Variants in MEF2A observed in about 807,000 individuals in gnomAD.
The protein encoded by MEF2A is myocyte enhancer factor 2A.
A neutral mutation model predicts 55.8 loss-of-function variants in MEF2A; 28 were observed. The ratio of observed to expected loss-of-function variants is 0.50; its 90% CI spans 0.37 to 0.69. The LOEUF (loss-of-function observed/expected upper bound fraction) is 0.69, where lower values mean the gene tolerates loss of function less well. Ranked by LOEUF, MEF2A falls within the 30% of genes least tolerant of loss-of-function variation. The pLI is 0.00. For synonymous variants in MEF2A, 239 were observed against 227.1 expected (o/e 1.05, Z -0.47); for missense variants, 528 against 626.2 (o/e 0.84, Z 1.67).
In MEF2A at chr15:99,598,433, T is replaced by C. The variant is rs1485974210; in HGVS notation, c.-221T>C. The C allele has an allele frequency of 6.6e-6, 1 of 152,204 alleles. No individual in the cohort carries two copies. The highest frequency in any genetic ancestry group is 2.4e-5 in the African/African-American group (1 of 41,454). 9.4% of individuals were successfully genotyped at this position (152,204 alleles called of 1,614,324 possible). ...TCAAATTTTTTTCTTTTTTAAGGAA[T>C]TGCATTTTGTGAAAAAAGAACAAGA... On this transcript the variant is annotated 5_prime_UTR_variant, in exon 2 of 12. Coordinates refer to ENST00000557942, the MANE Select transcript of MEF2A (RefSeq NM_001319206.4).
chr15:99,650,256 C>A (rs978117100), intron 4 of MEF2A, among the ~76,000 whole-genome samples: 8 of 152,156 alleles, frequency 5.3e-5, no homozygotes, highest in African/African-American at 1.9e-4. Context: ...GGATTAGGAC[C>A]CAGGTCTGTG....
At chr15:99,627,059 A>G (rs1001296359) in intron 2 of MEF2A, among the ~76,000 whole-genome samples, 6 of 152,110 alleles carry the variant, frequency 3.9e-5, no homozygotes, top group Non-Finnish European at 8.8e-5. Flanking sequence ...ACCTAGCCAT[A>G]TTTAGCTACA....
chr15:99,637,675 C>T (rs1464451474), intron 3 of MEF2A, among the ~76,000 whole-genome samples: 3 of 151,894 alleles, frequency 2.0e-5, no homozygotes, highest in African/African-American at 7.3e-5. Flanking sequence ...CGGAGTCTCG[C>T]TCTGTCGCCC....
intron 8 of MEF2A, among the ~76,000 whole-genome samples, chr15:99,692,939 CAGG>C (rs1303992828): frequency 1.3e-5 from 2 of 152,088 alleles, no homozygotes; most frequent in Non-Finnish European, 2.9e-5. Flanking sequence ...GGAGCGATGC[CAGG>C]AGAGTGGCAG....
In MEF2A at chr15:99,713,043, TC is replaced by T. The variant is rs1266560336; in HGVS notation, c.*274del. On this transcript the variant is annotated 3_prime_UTR_variant, in exon 12 of 12. Transcript: ENST00000557942. Reference sequence around the variant, plus strand: ...TGTAGGCACAGACAAGTCTGGCACTTCCTTGGACTACTTGTTTCGTAAAGAT... The same window carrying T: ...TGTAGGCACAGACAAGTCTGGCACTTCTTGGACTACTTGTTTCGTAAAGAT... The T allele has an allele frequency of 1.6e-5, 8 of 492,164 alleles. No homozygotes were observed. Among genetic ancestry groups the T allele is most frequent in the Non-Finnish European group, 2.5e-5 (7 of 280,096 alleles). The allele number at this position is 492,164 out of a possible 1,614,324, so 30.5% of individuals were successfully genotyped here. A position where few individuals can be genotyped will look rare whatever the true frequency, so the allele number is the denominator to read the frequency against.
At chr15:99,671,963 T>A (rs1597038450) in intron 5 of MEF2A, among the ~76,000 whole-genome samples, 2 of 152,214 alleles carry the variant, frequency 1.3e-5, no homozygotes, top group African/African-American at 4.8e-5. Flanking sequence ...TTGGCTCTCA[T>A]GATTTTTAAG....
intron 4 of MEF2A, among the ~76,000 whole-genome samples, chr15:99,652,314 G>T (rs187832475): frequency 6.6e-6 from 1 of 152,082 alleles, no homozygotes; most frequent in East Asian, 1.9e-4. Flanking sequence ...CGTGCAGTTC[G>T]CAGTAGGTTT....
intron 2 of MEF2A, among the ~76,000 whole-genome samples, chr15:99,627,350 G>T (rs2042199391): frequency 7.1e-6 from 1 of 141,736 alleles, no homozygotes; most frequent in Non-Finnish European, 1.5e-5. Flanking sequence ...AACCCAGGAG[G>T]TAGAGGTTTC....
intron 7 of MEF2A, 36 bp from the exon 8 acceptor site, chr15:99,690,205 T>G (rs747180220): frequency 1.3e-6 from 2 of 1,587,546 alleles, no homozygotes; most frequent in African/African-American, 2.7e-5. Context: ...TTTTAATAAC[T>G]CTTCTCACTT....
In MEF2A at chr15:99,706,743, C is replaced by G. The variant is rs776198742; in HGVS notation, c.897C>G (p.Ile299Met). Residue 299 changes from isoleucine to methionine, a missense_variant, in exon 10 of 12, where the codon ATC becomes ATG. By Grantham distance (10) the Ile-to-Met change is conservative. Coordinates refer to ENST00000557942, the MANE Select transcript of MEF2A (RefSeq NM_001319206.4). The part of the protein sequence containing the change: ...EEELELNTQR[I>M]SSSQATQPLA... ...TGATCTCACAGAATACCCAGAGGAT[C>G]AGTAGTTCTCAAGCCACTCAACCTC... is the stretch of plus-strand genomic sequence containing the variant. The G allele has an allele frequency of 1.2e-6, 2 of 1,613,098 alleles. No homozygotes were observed. Among genetic ancestry groups the G allele is most frequent in the African/African-American group, 2.7e-5 (2 of 74,900 alleles).
chr15:99,700,481 C>T (rs1444299252), intron 8 of MEF2A, among the ~76,000 whole-genome samples: 1 of 151,798 alleles, frequency 6.6e-6, no homozygotes, highest in Non-Finnish European at 1.5e-5. Context: ...CACTGCACTC[C>T]AGCCTGGCTG....
intron 4 of MEF2A, among the ~76,000 whole-genome samples, chr15:99,662,579 G>A (rs889866253): frequency 4.0e-5 from 6 of 151,458 alleles, no homozygotes; most frequent in East Asian, 1.9e-4. Flanking sequence ...GGGTTAAAGC[G>A]ATTCTCCTGC....
chr15:99,677,821 G>A (rs1280576284), intron 7 of MEF2A, among the ~76,000 whole-genome samples: 1 of 152,136 alleles, frequency 6.6e-6, no homozygotes, highest in African/African-American at 2.4e-5. Context: ...TCCTTCTCAG[G>A]AAGTCAGAAA....
intron 10 of MEF2A, among the ~76,000 whole-genome samples, chr15:99,709,725 C>T (rs988940128): frequency 7.2e-5 from 11 of 152,126 alleles, no homozygotes. Context: ...GAAATAACTC[C>T]CCGTGTGAGT....
At chr15:99,708,608 A>T (rs2058290997) in intron 10 of MEF2A, among the ~76,000 whole-genome samples, 1 of 152,156 alleles carries the variant, frequency 6.6e-6, no homozygotes, top group South Asian at 2.1e-4. Flanking sequence ...GTTGTTTTTA[A>T]CTTATTTCCA....
At chr15:99,662,406 T>C (rs1220648627) in intron 4 of MEF2A, among the ~76,000 whole-genome samples, 10 of 152,152 alleles carry the variant, frequency 6.6e-5, no homozygotes, top group Non-Finnish European at 1.3e-4. Flanking sequence ...AAGACAACTT[T>C]TCTCATTTTT....
intron 10 of MEF2A, 83 bp from the exon 11 acceptor site, chr15:99,710,551 G>A: frequency 6.5e-7 from 1 of 1,544,742 alleles, no homozygotes; most frequent in Non-Finnish European, 8.8e-7. Flanking sequence ...CCTCAATGTA[G>A]GAACTTTTGC....
chr15:99,709,261 G>A (rs142481928), intron 10 of MEF2A, among the ~76,000 whole-genome samples: 9 of 152,310 alleles, frequency 5.9e-5, no homozygotes, highest in Middle Eastern at 3.4e-3. Flanking sequence ...GAAGTAGCAA[G>A]GATAACACCC....
chr15:99,611,290 A>G (rs899872536), intron 2 of MEF2A, among the ~76,000 whole-genome samples: 1 of 152,188 alleles, frequency 6.6e-6, no homozygotes, highest in Admixed American at 6.5e-5. Flanking sequence ...GTATTTACAG[A>G]TCATATATTT....
Sources: allele counts gnomAD v4.1 joint callset (sites outside exome capture counted in the v4.1 genomes callset), GRCh38; gene constraint gnomAD v4.1.1; transcripts MANE v1.5; gene names NCBI Gene and HGNC (gene_info 2026-07-23, HGNC 2026-07-21).